Variants in EHBP1 observed in about 807,000 individuals in gnomAD.
EHBP1 encodes EH domain-binding protein 1.
A neutral mutation model predicts 144.0 loss-of-function variants in EHBP1; 55 were observed. The ratio of observed to expected loss-of-function variants is 0.38; its 90% CI spans 0.31 to 0.48. The LOEUF (loss-of-function observed/expected upper bound fraction) is 0.48, where lower values mean the gene tolerates loss of function less well. Ranked by LOEUF, EHBP1 falls within the 20% of genes least tolerant of loss-of-function variation. The probability of loss-of-function intolerance (pLI) is 0.98; values close to 1 mark genes in which losing one functional copy is unlikely to be tolerated. For synonymous variants in EHBP1, 469 were observed against 472.7 expected (o/e 0.99, Z 0.10); for missense variants, 1,200 against 1,364.2 (o/e 0.88, Z 1.90).
At chr2:63,009,009 G>T (rs1467033911) in intron 19 of EHBP1, among the ~76,000 whole-genome samples, 2 of 151,620 alleles carry the variant, frequency 1.3e-5, no homozygotes, top group Admixed American at 6.6e-5. Flanking sequence ...AACAGAAACA[G>T]ATATACCGTG....
At chr2:62,997,428 ATGTG>A (rs70962800) in intron 19 of EHBP1, among the ~76,000 whole-genome samples, 8,524 of 90,144 alleles carry the variant, frequency 0.095, 337 homozygotes, top group Middle Eastern at 0.24. Flanking sequence ...AAAGGAACTC[ATGTG>A]TGTGTGTGTG....
intron 10 of EHBP1, among the ~76,000 whole-genome samples, chr2:62,888,860 T>C (rs2052172697): frequency 6.6e-6 from 1 of 152,094 alleles, no homozygotes; most frequent in African/African-American, 2.4e-5. Context: ...AAACTGTCTG[T>C]ACTGATAAAC....
chr2:62,690,102 T>G (rs371402105), intron 1 of EHBP1, among the ~76,000 whole-genome samples: 1 of 152,342 alleles, frequency 6.6e-6, no homozygotes, highest in African/African-American at 2.4e-5. Flanking sequence ...GACTGGGCCA[T>G]CTTTCAATAA....
At chr2:62,898,143 T>C (rs1008945895) in intron 10 of EHBP1, among the ~76,000 whole-genome samples, 3 of 152,174 alleles carry the variant, frequency 2.0e-5, no homozygotes, top group African/African-American at 7.2e-5. Context: ...CTGCAGGTTA[T>C]GGGAAGCCAT....
intron 15 of EHBP1, among the ~76,000 whole-genome samples, chr2:62,986,779 T>C (rs1476449687): frequency 6.6e-6 from 1 of 152,148 alleles, no homozygotes; most frequent in Non-Finnish European, 1.5e-5. Context: ...ATGGTTTACA[T>C]AGTAGATGGG....
At chr2:62,957,519 T>C (rs1376364333) in intron 14 of EHBP1, among the ~76,000 whole-genome samples, 1 of 151,536 alleles carries the variant, frequency 6.6e-6, no homozygotes, top group Non-Finnish European at 1.5e-5. Context: ...AATAAAAAGG[T>C]ATAACATATG....
chr2:62,879,546 A>AACACACACAC (rs70962798), intron 10 of EHBP1, among the ~76,000 whole-genome samples: 3,376 of 133,696 alleles, frequency 0.025, 59 homozygotes, highest in Non-Finnish European at 0.028. Context: ...TATTCACAAT[A>AACACACACAC]ACACACACAC....
At chr2:62,791,444 A>G (rs2043162167) in intron 5 of EHBP1, among the ~76,000 whole-genome samples, 1 of 152,060 alleles carries the variant, frequency 6.6e-6, no homozygotes, top group Non-Finnish European at 1.5e-5. Flanking sequence ...CATGTGCTGC[A>G]TATACTAGCT....
At chr2:63,002,946 T>C (rs17474231) in intron 19 of EHBP1, among the ~76,000 whole-genome samples, 22,296 of 152,076 alleles carry the variant, frequency 0.15, 1,769 homozygotes, top group African/African-American at 0.17. Flanking sequence ...AACTATTTTA[T>C]ACTATGTGTA....
intron 10 of EHBP1, among the ~76,000 whole-genome samples, chr2:62,915,951 T>C (rs1346672264): frequency 6.6e-6 from 1 of 152,134 alleles, no homozygotes; most frequent in East Asian, 1.9e-4. Flanking sequence ...GGAAGTGATG[T>C]TGGATAATAA....
At chr2:62,954,626 A>G (rs1293090903) in intron 13 of EHBP1, among the ~76,000 whole-genome samples, 3 of 152,180 alleles carry the variant, frequency 2.0e-5, no homozygotes, top group Non-Finnish European at 4.4e-5. Flanking sequence ...AAGAAGCCCA[A>G]AAATGCTGAA....
At chr2:62,886,235 ACAAT>A (rs554042186) in intron 10 of EHBP1, among the ~76,000 whole-genome samples, 3 of 152,242 alleles carry the variant, frequency 2.0e-5, no homozygotes, top group East Asian at 1.9e-4. Flanking sequence ...CAGTAAACAC[ACAAT>A]CAATGTGTTA....
At chr2:62,907,998 GGC>G (rs1016121176) in intron 10 of EHBP1, among the ~76,000 whole-genome samples, 1 of 152,144 alleles carries the variant, frequency 6.6e-6, no homozygotes, top group African/African-American at 2.4e-5. Flanking sequence ...AAATGTTACT[GGC>G]ATCTAGTGGA....
intron 2 of EHBP1, among the ~76,000 whole-genome samples, chr2:62,722,205 C>T (rs2036297154): frequency 1.3e-5 from 2 of 151,818 alleles, no homozygotes; most frequent in South Asian, 4.1e-4. Context: ...GATCTTGGCT[C>T]ACTGCAACCT....
chr2:62,929,788 A>C (rs992254448), intron 10 of EHBP1, among the ~76,000 whole-genome samples: 2 of 152,154 alleles, frequency 1.3e-5, no homozygotes, highest in Admixed American at 6.5e-5. Context: ...CTGTTTGCTG[A>C]TGAGAAGATC....
chr2:62,746,388 GTA>G lies in EHBP1; in HGVS notation c.105-995_105-994del, dbSNP rs200225335. Among the ~76,000 whole-genome samples the G allele has an allele frequency of 2.1e-3, 315 of 151,318 alleles. 1 individual carries two copies. The highest frequency in any genetic ancestry group is 7.0e-3 in the African/African-American group (288 of 41,336). Reference sequence around the variant, plus strand: ...AAGGCTGGAGGCCTCTTATGTGTGTGTATATATATATATGTATTTAATTAAAT... The same window carrying G: ...AAGGCTGGAGGCCTCTTATGTGTGTGTATATATATATGTATTTAATTAAAT... On this transcript the variant is annotated intron_variant, in intron 2 of 22. Coordinates refer to ENST00000431489, the MANE Select transcript of EHBP1 (RefSeq NM_001142616.3).
At chr2:62,696,418 A>G (rs2034094444) in intron 1 of EHBP1, among the ~76,000 whole-genome samples, 1 of 149,178 alleles carries the variant, frequency 6.7e-6, no homozygotes, top group South Asian at 2.1e-4. Context: ...AAATGCTAGG[A>G]TAACAGGGGT....
intron 10 of EHBP1, among the ~76,000 whole-genome samples, chr2:62,901,506 A>G (rs1324793635): frequency 6.6e-6 from 1 of 152,154 alleles, no homozygotes; most frequent in African/African-American, 2.4e-5. Flanking sequence ...TTCATTTGAT[A>G]GAACTGGATA....
chr2:62,978,761 C>T (rs1316001840), intron 14 of EHBP1, among the ~76,000 whole-genome samples: 1 of 152,056 alleles, frequency 6.6e-6, no homozygotes, highest in African/African-American at 2.4e-5. Flanking sequence ...CATAGTATAC[C>T]AGCATTTTCT....
Sources: allele counts gnomAD v4.1 joint callset (sites outside exome capture counted in the v4.1 genomes callset), GRCh38; gene constraint gnomAD v4.1.1; transcripts MANE v1.5; gene names NCBI Gene and HGNC (gene_info 2026-07-23, HGNC 2026-07-21).